Variants in ARAP2 observed in about 807,000 individuals in gnomAD.
ARAP2 encodes ArfGAP with RhoGAP domain, ankyrin repeat and PH domain 2.
Under a neutral mutation model 194.5 loss-of-function variants are expected in ARAP2, and 148 were observed. The ratio of observed to expected loss-of-function variants is 0.76; its 90% CI spans 0.67 to 0.87. The LOEUF (loss-of-function observed/expected upper bound fraction) is 0.87, where lower values mean the gene tolerates loss of function less well. Ranked by LOEUF, ARAP2 falls within the 40% of genes least tolerant of loss-of-function variation. ARAP2 has a pLI of 0.00. For synonymous variants in ARAP2, 695 were observed against 683.5 expected (o/e 1.02, Z -0.26); for missense variants, 2,128 against 1,989.7 (o/e 1.07, Z -1.32).
intron 5 of ARAP2, among the ~76,000 whole-genome samples, chr4:36,028,984 G>A (rs1489455226): frequency 6.6e-6 from 1 of 151,914 alleles, no homozygotes. Flanking sequence ...GGAAATTAAT[G>A]AGGTATTATT....
At chr4:36,189,999 T>C (rs1372261154) in intron 7 of ARAP2, among the ~76,000 whole-genome samples, 1 of 152,224 alleles carries the variant, frequency 6.6e-6, no homozygotes, top group Admixed American at 6.5e-5. Context: ...ACATCTAGAA[T>C]AAACTTCCTC....
At chr4:36,209,635 AG>A (rs59945484) in intron 6 of ARAP2, among the ~76,000 whole-genome samples, 1 of 152,150 alleles carries the variant, frequency 6.6e-6, no homozygotes, top group Non-Finnish European at 1.5e-5. Context: ...AGCACACTGT[AG>A]GGACTCACCA....
At chr4:36,080,352 ATTTGGTGATCAAAAATC>A (rs1729234305) in intron 30 of ARAP2, 73 bp from the exon 31 acceptor site, 2 of 1,258,730 alleles carry the variant, frequency 1.6e-6, no homozygotes, top group African/African-American at 3.0e-5. Context: ...CTGCTGAGTG[ATTTGGTGATCAAAAATC>A]TCTGGGTCTC....
intron 9 of ARAP2, among the ~76,000 whole-genome samples, chr4:36,177,327 CGTGT>C (rs1027101555): frequency 4.9e-4 from 74 of 152,074 alleles, no homozygotes; most frequent in South Asian, 1.2e-3. Context: ...CTTATATAGA[CGTGT>C]GTGTGTATAC....
intron 17 of ARAP2, 77 bp from the exon 18 acceptor site, chr4:36,147,823 A>G: frequency 8.5e-7 from 1 of 1,181,374 alleles, no homozygotes; most frequent in Non-Finnish European, 1.2e-6. Context: ...ATATGAGAGA[A>G]GGTAGACAAA....
intron 5 of ARAP2, among the ~76,000 whole-genome samples, chr4:36,028,485 T>C (rs990110988): frequency 6.6e-6 from 1 of 152,032 alleles, no homozygotes; most frequent in African/African-American, 2.4e-5. Flanking sequence ...TATGGACTTA[T>C]ACAAAGTAAC....
chr4:36,073,881 T>C, intron 31 of ARAP2, 58 bp from the exon 32 acceptor site: 4 of 1,573,790 alleles, frequency 2.5e-6, no homozygotes, highest in Non-Finnish European at 3.5e-6. Flanking sequence ...GTATACTATG[T>C]CATAAAGCCA....
chr4:36,165,460 G>C (rs1172474373), intron 10 of ARAP2, among the ~76,000 whole-genome samples: 3 of 152,060 alleles, frequency 2.0e-5, no homozygotes, highest in Non-Finnish European at 2.9e-5. Flanking sequence ...TTTTGGCAGA[G>C]TTTCAGGGCT....
intron 21 of ARAP2, among the ~76,000 whole-genome samples, chr4:36,126,830 T>C (rs1724039113): frequency 1.3e-5 from 2 of 151,988 alleles, no homozygotes; most frequent in African/African-American, 4.8e-5. Flanking sequence ...AATATATATT[T>C]GTCGCTGTTG....
chr4:36,202,267 CAA>C (rs1235661074), intron 6 of ARAP2, among the ~76,000 whole-genome samples: 1 of 151,970 alleles, frequency 6.6e-6, no homozygotes, highest in Non-Finnish European at 1.5e-5. Context: ...GATACAGTAA[CAA>C]AATATTTTAG....
chr4:36,048,988 G>A (rs184409488), intron 3 of ARAP2, among the ~76,000 whole-genome samples: 43 of 152,034 alleles, frequency 2.8e-4, no homozygotes, highest in African/African-American at 7.5e-4. Flanking sequence ...GTCTCTAACC[G>A]GTACCATACT....
chr4:36,180,571 G>C (rs916317029), intron 8 of ARAP2, among the ~76,000 whole-genome samples: 7 of 152,280 alleles, frequency 4.6e-5, no homozygotes, highest in African/African-American at 1.7e-4. Flanking sequence ...CGAATAAATG[G>C]TACATAATGG....
intron 27 of ARAP2, among the ~76,000 whole-genome samples, chr4:36,101,886 T>C (rs1449902125): frequency 2.6e-5 from 4 of 151,988 alleles, no homozygotes; most frequent in Admixed American, 2.0e-4. Flanking sequence ...ACAATAACAA[T>C]ACGTGTCCAG....
intron 15 of ARAP2, among the ~76,000 whole-genome samples, chr4:36,155,121 T>TA (rs1176119854): frequency 6.6e-6 from 1 of 152,210 alleles, no homozygotes; most frequent in African/African-American, 2.4e-5. Flanking sequence ...GTAACTTCCC[T>TA]AAAAAATGAT....
intron 19 of ARAP2, among the ~76,000 whole-genome samples, chr4:36,135,358 C>T (rs1006822097): frequency 1.3e-5 from 2 of 151,718 alleles, no homozygotes; most frequent in Non-Finnish European, 1.5e-5. Flanking sequence ...TCTTGAAATG[C>T]TCCTGTAAGA....
At chr4:36,207,032 C>T (rs1225170899) in intron 6 of ARAP2, among the ~76,000 whole-genome samples, 2 of 152,304 alleles carry the variant, frequency 1.3e-5, no homozygotes, top group African/African-American at 4.8e-5. Context: ...AAAAGGTTTC[C>T]TTATTGCAGA....
intron 22 of ARAP2, among the ~76,000 whole-genome samples, chr4:36,121,949 G>A (rs1160792263): frequency 2.6e-5 from 4 of 151,678 alleles, no homozygotes; most frequent in African/African-American, 7.2e-5. Flanking sequence ...AGAAATGAAC[G>A]AAGGAGTCAA....
chr4:36,195,275 C>A (rs946668253), intron 6 of ARAP2, among the ~76,000 whole-genome samples: 6 of 152,206 alleles, frequency 3.9e-5, no homozygotes, highest in Middle Eastern at 3.2e-3. Flanking sequence ...GGCCTGTCTG[C>A]AATGGGTTTT....
At chr4:36,089,980 T>C (rs920916617) in intron 28 of ARAP2, among the ~76,000 whole-genome samples, 1 of 151,954 alleles carries the variant, frequency 6.6e-6, no homozygotes, top group Non-Finnish European at 1.5e-5. Context: ...ATTATATTTA[T>C]AAAAAGAATT....
Sources: gnomAD v4.1 joint callset for allele counts (sites outside exome capture counted in the v4.1 genomes callset) on GRCh38, gnomAD v4.1.1 for gene constraint, MANE v1.5 for transcripts, NCBI Gene and HGNC (gene_info 2026-07-23, HGNC 2026-07-21) for gene names.